Variants in DMD observed in about 807,000 individuals in gnomAD.
DMD encodes the protein mutant dystrophin.
DMD carries 63 observed loss-of-function variants against 330.1 expected under a neutral mutation model. The ratio of observed to expected loss-of-function variants is 0.19; its 90% CI spans 0.16 to 0.24. DMD has a LOEUF of 0.24. Among genes scored for constraint, DMD ranks in the 10% least tolerant of loss-of-function variants. The probability of loss-of-function intolerance (pLI) is 1.00; values close to 1 mark genes in which losing one functional copy is unlikely to be tolerated. For synonymous variants in DMD, 1,223 were observed against 959.8 expected (o/e 1.27, Z -5.07); for missense variants, 3,344 against 2,684.1 (o/e 1.25, Z -5.43).
At chrX:32,838,286 G>A (rs1448980607) in intron 4 of DMD, among the ~76,000 whole-genome samples, 1 of 110,482 alleles carries the variant, frequency 9.1e-6, no homozygotes, top group Non-Finnish European at 1.9e-5. Context: ...TTTAAGTTCT[G>A]GGGTACATGT....
At chrX:33,047,672 T>G (rs2094401821) in intron 1 of DMD, among the ~76,000 whole-genome samples, 1 of 112,373 alleles carries the variant, frequency 8.9e-6, no homozygotes, top group Non-Finnish European at 1.9e-5. Context: ...TAAAAATCAA[T>G]TACCTGAAAT....
chrX:32,310,681 C>T (rs1195082726), intron 41 of DMD, among the ~76,000 whole-genome samples: 1 of 110,248 alleles, frequency 9.1e-6, no homozygotes, highest in Non-Finnish European at 1.9e-5. Context: ...GAGGGGGACT[C>T]ATATCTGTTT....
rs201477815 is a variant in DMD, at chrX:31,576,759, G to GTTTTTTTTTTTTTTTTTTT, written c.8217+50913_8217+50914insAAAAAAAAAAAAAAAAAAA. Among the ~76,000 whole-genome samples the GTTTTTTTTTTTTTTTTTTT allele has an allele frequency of 5.5e-3, 564 of 103,479 alleles. 11 individuals carry two copies. The highest frequency in any genetic ancestry group is 8.8e-3 in the Non-Finnish European group (436 of 49,418). The allele number at this position is 103,479 out of a possible 115,157, so 89.9% of individuals were successfully genotyped here. A position where few individuals can be genotyped will look rare whatever the true frequency, so the allele number is the denominator to read the frequency against. On this transcript the variant is annotated intron_variant, in intron 55 of 78. Coordinates refer to ENST00000357033, the MANE Select transcript of DMD (RefSeq NM_004006.3). ...TTTTCAAGTAAAAATATATGAGGTT[G>GTTTTTTTTTTTTTTTTTTT]TTTTTTTTTGACAGAGTCTCACTCT... is the stretch of plus-strand genomic sequence containing the variant.
At chrX:32,746,850 TTCCTCCCTC>T (rs1171158339) in intron 7 of DMD, among the ~76,000 whole-genome samples, 1 of 111,033 alleles carries the variant, frequency 9.0e-6, no homozygotes, top group African/African-American at 3.3e-5. Flanking sequence ...GCTTGTCCCT[TTCCTCCCTC>T]TCCTCCCTCT....
chrX:31,681,353 AACAGTAGAGCTGTTACT>A (rs200409693), intron 52 of DMD, among the ~76,000 whole-genome samples: 5,889 of 111,937 alleles, frequency 0.053, 399 homozygotes, highest in African/African-American at 0.18. Context: ...AGAACCTTGC[AACAGTAGAGCTGTTACT>A]ACATCTAGGC....
At chrX:32,135,596 G>A (rs1477150304) in intron 44 of DMD, among the ~76,000 whole-genome samples, 7 of 111,457 alleles carry the variant, frequency 6.3e-5, no homozygotes, top group South Asian at 3.8e-4. Flanking sequence ...GGTGGCGTGC[G>A]CCAGTAGCCT....
chrX:32,884,373 T>C (rs1041583054), intron 2 of DMD, among the ~76,000 whole-genome samples: 1 of 112,072 alleles, frequency 8.9e-6, no homozygotes, highest in Admixed American at 9.5e-5. Context: ...AACCAATCAA[T>C]TTAACAACAA....
chrX:32,123,354 C>A (rs1315679367), intron 44 of DMD, among the ~76,000 whole-genome samples: 2 of 104,361 alleles, frequency 1.9e-5, no homozygotes, highest in African/African-American at 7.0e-5. Flanking sequence ...AGGGCTTGAT[C>A]ACAGATCTGC....
At chrX:32,960,828 A>T (rs776080918) in intron 2 of DMD, among the ~76,000 whole-genome samples, 1 of 109,474 alleles carries the variant, frequency 9.1e-6, no homozygotes, top group South Asian at 4.0e-4. Flanking sequence ...GTGGTCTCAA[A>T]AGGTCACATC....
intron 59 of DMD, among the ~76,000 whole-genome samples, chrX:31,445,374 T>C (rs762553332): frequency 1.8e-5 from 2 of 111,766 alleles, no homozygotes; most frequent in South Asian, 7.6e-4. Context: ...GGGATACCTA[T>C]ATGCAGGTTT....
intron 2 of DMD, among the ~76,000 whole-genome samples, chrX:32,863,509 C>CAAAAAAAAAAAAAAAAAA (rs544421635): frequency 5.3e-4 from 26 of 49,054 alleles, no homozygotes; most frequent in East Asian, 6.8e-4. Context: ...GACTCCGTCT[C>CAAAAAAAAAAAAAAAAAA]AAAAAAAAAA....
At chrX:32,095,918 T>TTA (rs1224642732) in intron 44 of DMD, among the ~76,000 whole-genome samples, 526 of 110,085 alleles carry the variant, frequency 4.8e-3, no homozygotes, top group African/African-American at 0.016. Flanking sequence ...TTTTTTTTTT[T>TTA]ATTATACTTT....
chrX:31,683,333 C>A (rs1049976759), intron 52 of DMD, among the ~76,000 whole-genome samples: 1 of 112,070 alleles, frequency 8.9e-6, no homozygotes, highest in African/African-American at 3.2e-5. Context: ...GATTACCTGG[C>A]TTCTGGTTTA....
intron 49 of DMD, among the ~76,000 whole-genome samples, chrX:31,823,994 C>G (rs2092832803): frequency 8.9e-6 from 1 of 112,262 alleles, no homozygotes; most frequent in Admixed American, 9.4e-5. Flanking sequence ...TAAGCCTTGT[C>G]TAAATCAGAG....
intron 62 of DMD, among the ~76,000 whole-genome samples, chrX:31,286,381 A>AAT (rs1372209315): frequency 1.8e-5 from 2 of 112,684 alleles, no homozygotes; most frequent in African/African-American, 6.4e-5. Context: ...TTAAAATGAC[A>AAT]ATATATATGC....
At chrX:31,715,812 G>A (rs2085002391) in intron 52 of DMD, among the ~76,000 whole-genome samples, 1 of 110,830 alleles carries the variant, frequency 9.0e-6, no homozygotes, top group African/African-American at 3.3e-5. Flanking sequence ...TGTTTGCTTT[G>A]GGTTTCTTCT....
chrX:33,219,100 A>G (rs771069334), intron 1 of DMD, among the ~76,000 whole-genome samples: 3 of 111,431 alleles, frequency 2.7e-5, no homozygotes, highest in Non-Finnish European at 5.7e-5. Context: ...AGTGACTACT[A>G]TCTTTTTGCA....
chrX:32,921,343 A>G (rs1185224164), intron 2 of DMD, among the ~76,000 whole-genome samples: 1 of 112,085 alleles, frequency 8.9e-6, no homozygotes, highest in Non-Finnish European at 1.9e-5. Context: ...AAAAGTAACA[A>G]AAATTGCTCT....
chrX:31,276,390 T>C (rs374276250), intron 62 of DMD, among the ~76,000 whole-genome samples: 1 of 111,898 alleles, frequency 8.9e-6, no homozygotes, highest in African/African-American at 3.3e-5. Flanking sequence ...CAGTGCATGA[T>C]GTGGTTATGA....
Sources: gnomAD v4.1 joint callset for allele counts (sites outside exome capture counted in the v4.1 genomes callset) on GRCh38, gnomAD v4.1.1 for gene constraint, MANE v1.5 for transcripts, NCBI Gene and HGNC (gene_info 2026-07-23, HGNC 2026-07-21) for gene names.